Variants in G2E3 observed in about 807,000 individuals in gnomAD.
The protein encoded by G2E3 is G2/M phase-specific E3 ubiquitin-protein ligase.
G2E3 carries 35 observed loss-of-function variants against 92.8 expected under a neutral mutation model. That is an observed-to-expected ratio of 0.38 (90% CI 0.29 to 0.50). G2E3 has a LOEUF of 0.50. G2E3 is among the 20% of genes least tolerant of loss of function. The pLI is 0.94. For synonymous variants in G2E3, 242 were observed against 272.4 expected (o/e 0.89, Z 1.10); for missense variants, 554 against 823.8 (o/e 0.67, Z 4.01).
intron 1 of G2E3, among the ~76,000 whole-genome samples, chr14:30,565,665 T>G (rs1476497419): frequency 4.5e-5 from 6 of 132,568 alleles, no homozygotes; most frequent in Admixed American, 2.2e-4. Context: ...TTTTTTTTTT[T>G]TTTTTTTTTT....
chr14:30,588,211 T>C (rs992271774), intron 3 of G2E3, among the ~76,000 whole-genome samples: 27 of 152,300 alleles, frequency 1.8e-4, no homozygotes, highest in African/African-American at 6.5e-4. Context: ...TTTTACTTTT[T>C]TTTCAGTCAG....
At chr14:30,612,463 T>C in intron 13 of G2E3, 84 bp downstream of exon 13, 4 of 866,264 alleles carry the variant, frequency 4.6e-6, no homozygotes, top group Non-Finnish European at 7.1e-6. Context: ...ATATATTTGG[T>C]AATAAGTGAG....
chr14:30,589,012 C>G (rs147522342), intron 3 of G2E3, among the ~76,000 whole-genome samples: 2,462 of 152,180 alleles, frequency 0.016, 218 homozygotes, highest in Admixed American at 0.14. Flanking sequence ...TTGTCTCCAT[C>G]TGTATTCACC....
intron 1 of G2E3, among the ~76,000 whole-genome samples, chr14:30,574,238 A>G (rs1211953725): frequency 6.6e-6 from 1 of 152,152 alleles, no homozygotes; most frequent in Non-Finnish European, 1.5e-5. Flanking sequence ...AGTCTACTAA[A>G]TAACCTAAAT....
chr14:30,561,432 T>A (rs949822333), intron 1 of G2E3, among the ~76,000 whole-genome samples: 10 of 152,330 alleles, frequency 6.6e-5, no homozygotes, highest in African/African-American at 2.4e-4. Context: ...ATAATTCAAA[T>A]TTCTTAGCTT....
At chr14:30,560,642 C>A in intron 1 of G2E3, 1 of 606,840 alleles carries the variant, frequency 1.6e-6, no homozygotes, top group Non-Finnish European at 2.9e-6. Flanking sequence ...TCGCTATATC[C>A]TAATCTCTTT....
chr14:30,577,271 G>C (rs1221384466), intron 1 of G2E3, among the ~76,000 whole-genome samples: 1 of 151,534 alleles, frequency 6.6e-6, no homozygotes, highest in African/African-American at 2.4e-5. Context: ...GGGTGGTTAG[G>C]ATCTGTTTAT....
Position 30,616,603 on chromosome 14 carries a change from C to A in G2E3, c.*69C>A. 3.5e-6 allele frequency: 4 copies of A among 1,129,884 alleles called. No individual in the cohort carries two copies. The highest frequency in any genetic ancestry group is 4.0e-4 in the Middle Eastern group (2 of 4,956). 70.0% of individuals were successfully genotyped at this position (1,129,884 alleles called of 1,614,324 possible). On this transcript the variant is annotated 3_prime_UTR_variant, in exon 15 of 15. Coordinates refer to ENST00000206595, the MANE Select transcript of G2E3 (RefSeq NM_017769.5). ...TGATAACTCTCTTTTATTTCACTAA[C>A]CTTTTCATCATCACTTTGAACAAAC...
chr14:30,611,927 C>G, intron 12 of G2E3: 1 of 253,794 alleles, frequency 3.9e-6, no homozygotes, highest in Non-Finnish European at 7.6e-6. Flanking sequence ...GCTAGTCTTA[C>G]CTAGTGCTAT....
At chr14:30,584,611 C>T (rs938213857) in intron 2 of G2E3, among the ~76,000 whole-genome samples, 14 of 152,130 alleles carry the variant, frequency 9.2e-5, no homozygotes, top group African/African-American at 3.4e-4. Context: ...TTATTATTTA[C>T]ATTTCTCTGT....
intron 1 of G2E3, among the ~76,000 whole-genome samples, chr14:30,570,411 T>C (rs7147237): frequency 0.04 from 6,061 of 152,242 alleles, 160 homozygotes; most frequent in South Asian, 0.087. Flanking sequence ...TTGGCTATTA[T>C]TTCTTCAAAC....
chr14:30,604,516 CAGGTTCTGATTCTATAGAT>C (rs1443326896), intron 10 of G2E3, among the ~76,000 whole-genome samples: 2 of 152,216 alleles, frequency 1.3e-5, no homozygotes, highest in Non-Finnish European at 2.9e-5. Flanking sequence ...TTCATGCCGA[CAGGTTCTGATTCTATAGAT>C]GCGCTGTAGG....
chr14:30,606,269 G>A (rs73264358), intron 11 of G2E3, among the ~76,000 whole-genome samples: 3,104 of 151,614 alleles, frequency 0.02, 131 homozygotes, highest in African/African-American at 0.071. Flanking sequence ...TGTATATGAT[G>A]GTTTTCTGTC....
chr14:30,599,375 A>C (rs1424528091), intron 8 of G2E3, among the ~76,000 whole-genome samples: 1 of 152,166 alleles, frequency 6.6e-6, no homozygotes, highest in Non-Finnish European at 1.5e-5. Flanking sequence ...TTACAGGCGC[A>C]TGCCACCATG....
chr14:30,573,807 T>G (rs532495068), intron 1 of G2E3, among the ~76,000 whole-genome samples: 7 of 152,242 alleles, frequency 4.6e-5, no homozygotes, highest in African/African-American at 1.7e-4. Flanking sequence ...GTAAACTGAG[T>G]AAAGTTTACC....
intron 12 of G2E3, chr14:30,611,220 A>G (rs1031430866): frequency 3.3e-5 from 5 of 152,244 alleles, no homozygotes; most frequent in South Asian, 4.1e-4. Flanking sequence ...AAGTTTGGCT[A>G]TGTGCCCAGC....
At chr14:30,580,007 TTATAAG>T (rs1880339149) in intron 1 of G2E3, among the ~76,000 whole-genome samples, 1 of 152,150 alleles carries the variant, frequency 6.6e-6, no homozygotes, top group Admixed American at 6.6e-5. Context: ...TCAGTAATGA[TTATAAG>T]TATTTTTATT....
intron 1 of G2E3, among the ~76,000 whole-genome samples, chr14:30,578,923 C>T (rs556314474): frequency 1.3e-5 from 2 of 152,190 alleles, no homozygotes; most frequent in Admixed American, 6.5e-5. Context: ...TATTTTCCCT[C>T]GTTGAATTGC....
rs1881706431 is a variant in G2E3 at position 30,604,064 on chromosome 14, T to A, written c.1011-1441T>A. On this transcript the variant is annotated intron_variant, in intron 10 of 14. Coordinates refer to ENST00000206595, the MANE Select transcript of G2E3 (RefSeq NM_017769.5). Reference sequence around the variant, plus strand: ...AATAGATGTTCACATTATTTTAAAATAATTTTAATATTGAGATTTCCAAAG... The same window carrying A: ...AATAGATGTTCACATTATTTTAAAAAAATTTTAATATTGAGATTTCCAAAG... Among the ~76,000 whole-genome samples the A allele has an allele frequency of 2.0e-5, 3 of 152,210 alleles. No homozygotes were observed. In the South Asian group the frequency reaches 6.2e-4, roughly 32 times the overall value.
Sources: allele counts gnomAD v4.1 joint callset (sites outside exome capture counted in the v4.1 genomes callset), GRCh38; gene constraint gnomAD v4.1.1; transcripts MANE v1.5; gene names NCBI Gene and HGNC (gene_info 2026-07-23, HGNC 2026-07-21).